Variants in RGS6 observed in about 807,000 individuals in gnomAD.
RGS6 encodes the protein regulator of G protein signaling 6, also known as regulator of G-protein signaling 6.
Under a neutral mutation model 78.5 loss-of-function variants are expected in RGS6, and 30 were observed. The observed-to-expected ratio is 0.38, with a 90% confidence interval of 0.29 to 0.52. RGS6 has a LOEUF of 0.52. RGS6 is among the 20% of genes least tolerant of loss of function. RGS6 has a pLI of 0.85. For synonymous variants in RGS6, 206 were observed against 206.0 expected (o/e 1.00, Z 0.00); for missense variants, 495 against 609.7 (o/e 0.81, Z 1.98).
chr14:72,483,801 G>A (rs1355421548), intron 12 of RGS6, among the ~76,000 whole-genome samples: 1 of 152,010 alleles, frequency 6.6e-6, no homozygotes, highest in Non-Finnish European at 1.5e-5. Flanking sequence ...GGAAAAGAAG[G>A]GGCCTCCATA....
chr14:72,535,494 G>A (rs1032563067), intron 15 of RGS6, among the ~76,000 whole-genome samples: 4 of 152,156 alleles, frequency 2.6e-5, no homozygotes, highest in African/African-American at 9.7e-5. Context: ...CAAAACTATA[G>A]TACCATATCA....
intron 2 of RGS6, among the ~76,000 whole-genome samples, chr14:72,000,394 A>C (rs910556110): frequency 6.6e-6 from 1 of 152,130 alleles, no homozygotes; most frequent in African/African-American, 2.4e-5. Context: ...TTTTGTGGGT[A>C]AAGTAATGGG....
intron 3 of RGS6, among the ~76,000 whole-genome samples, chr14:72,451,114 C>T (rs544947271): frequency 7.2e-5 from 11 of 152,258 alleles, no homozygotes; most frequent in African/African-American, 2.4e-4. Context: ...CAAGCATTGC[C>T]ATGGCATGGA....
chr14:72,554,999 A>T (rs115839842), intron 17 of RGS6, among the ~76,000 whole-genome samples: 3,821 of 152,304 alleles, frequency 0.025, 141 homozygotes, highest in African/African-American at 0.086. Flanking sequence ...CAGGCAGAAG[A>T]AAGTGATGAG....
At chr14:72,125,361 C>T (rs994377566) in intron 2 of RGS6, among the ~76,000 whole-genome samples, 5 of 152,252 alleles carry the variant, frequency 3.3e-5, no homozygotes, top group African/African-American at 7.2e-5. Context: ...CTGTGCTGTG[C>T]GTGTACTGGT....
intron 2 of RGS6, among the ~76,000 whole-genome samples, chr14:72,040,218 T>C (rs1333271171): frequency 1.3e-5 from 2 of 152,122 alleles, no homozygotes; most frequent in Non-Finnish European, 2.9e-5. Flanking sequence ...TATATTGACC[T>C]TTACCAGGGA....
the RGS6 span, among the ~76,000 whole-genome samples, chr14:71,915,221 C>T: frequency 8.6e-5 from 13 of 151,430 alleles, no homozygotes; most frequent in African/African-American, 2.9e-4. Flanking sequence ...CGTGCCGCTG[C>T]ACTCCAACCT....
the RGS6 span, among the ~76,000 whole-genome samples, chr14:71,876,847 A>G: frequency 6.6e-6 from 1 of 152,014 alleles, no homozygotes; most frequent in Non-Finnish European, 1.5e-5. Context: ...TGCTTCCTTC[A>G]GGAGCTCTTT....
At chr14:72,401,552 C>T (rs553080588) in intron 3 of RGS6, among the ~76,000 whole-genome samples, 9 of 151,584 alleles carry the variant, frequency 5.9e-5, no homozygotes, top group African/African-American at 2.2e-4. Context: ...GACTGGGCAA[C>T]TCTCATGTGA....
At chr14:72,196,463 A>G (rs540147008) in intron 2 of RGS6, among the ~76,000 whole-genome samples, 79 of 152,292 alleles carry the variant, frequency 5.2e-4, no homozygotes, top group African/African-American at 1.8e-3. Flanking sequence ...GCTGTGGTGC[A>G]TGGAGTGGGG....
intron 2 of RGS6, among the ~76,000 whole-genome samples, chr14:72,127,761 A>T (rs569794159): frequency 6.6e-6 from 1 of 152,318 alleles, no homozygotes; most frequent in Non-Finnish European, 1.5e-5. Flanking sequence ...TTGACATTTT[A>T]TAGTTAAGAT....
intron 2 of RGS6, among the ~76,000 whole-genome samples, chr14:72,029,281 A>T (rs917333568): frequency 6.6e-6 from 1 of 152,214 alleles, no homozygotes; most frequent in Non-Finnish European, 1.5e-5. Context: ...CAGAACTTGT[A>T]CAACAGTGGC....
intron 2 of RGS6, among the ~76,000 whole-genome samples, chr14:72,087,562 C>T (rs1490188309): frequency 6.6e-6 from 1 of 151,538 alleles, no homozygotes; most frequent in African/African-American, 2.4e-5. Context: ...AAAGGAAGCT[C>T]CAGAGAAATA....
intron 2 of RGS6, among the ~76,000 whole-genome samples, chr14:72,188,830 G>A (rs2097285958): frequency 1.3e-5 from 2 of 152,140 alleles, no homozygotes; most frequent in Non-Finnish European, 2.9e-5. Flanking sequence ...TTAAAATTCT[G>A]TGATTAATTG....
intron 2 of RGS6, among the ~76,000 whole-genome samples, chr14:72,081,649 TTC>T (rs1485820196): frequency 1.3e-5 from 2 of 152,090 alleles, no homozygotes; most frequent in Non-Finnish European, 2.9e-5. Context: ...TGTAGAATTT[TTC>T]TCTTTGTCTT....
intron 2 of RGS6, among the ~76,000 whole-genome samples, chr14:72,141,246 A>G (rs2096535452): frequency 6.6e-6 from 1 of 152,190 alleles, no homozygotes; most frequent in South Asian, 2.1e-4. Flanking sequence ...ACAGATGGTT[A>G]ACACAGGTCT....
chr14:72,082,956 C>T (rs1190202649), intron 2 of RGS6, among the ~76,000 whole-genome samples: 1 of 152,158 alleles, frequency 6.6e-6, no homozygotes, highest in Admixed American at 6.5e-5. Flanking sequence ...TCAGCTTTGC[C>T]TCAATCCAAG....
At chr14:71,973,516 C>T (rs1192770526) in intron 2 of RGS6, among the ~76,000 whole-genome samples, 1 of 152,128 alleles carries the variant, frequency 6.6e-6, no homozygotes, top group African/African-American at 2.4e-5. Context: ...AAAACCCTGT[C>T]TCTACTAAAA....
At chr14:72,353,627 C>T (rs1380625168) in intron 3 of RGS6, among the ~76,000 whole-genome samples, 1 of 152,012 alleles carries the variant, frequency 6.6e-6, no homozygotes. Context: ...TGATGATGAA[C>T]AGATGAACAG....
Sources: gnomAD v4.1 joint callset for allele counts (sites outside exome capture counted in the v4.1 genomes callset) on GRCh38, gnomAD v4.1.1 for gene constraint, MANE v1.5 for transcripts, NCBI Gene and HGNC (gene_info 2026-07-23, HGNC 2026-07-21) for gene names.